NCKAP1: variants seen among roughly 807,000 people sequenced by gnomAD.
NCKAP1 encodes nck-associated protein 1.
NCKAP1 carries 21 observed loss-of-function variants against 151.2 expected under a neutral mutation model. That is an observed-to-expected ratio of 0.14 (90% CI 0.10 to 0.20). The LOEUF is 0.20. Ranked by LOEUF, NCKAP1 falls within the 10% of genes least tolerant of loss-of-function variation. The pLI, the probability that NCKAP1 is intolerant of heterozygous loss-of-function variation, is 1.00. For synonymous variants in NCKAP1, 484 were observed against 451.8 expected, an observed-to-expected ratio of 1.07 and a Z score of -0.90; for missense variants, 933 against 1,352.1, an observed-to-expected ratio of 0.69 and a Z score of 4.86.
Position 182,930,752 on chromosome 2 carries a change from C to T in NCKAP1, c.2896G>A (p.Gly966Arg). ...GCAGGATCAATCTCACAAGGTAATC[C>T]GGCAGCTGATGATAACTCATACACA... ...MNVYELSSAA[G>R]LPCEIDPALV... The change falls in exon 27 of 31, where the codon GGA becomes AGA. Residue 966 changes from glycine to arginine, a missense_variant. Gly to Arg is a moderately radical substitution (Grantham distance 125). Transcript: ENST00000361354. The T allele has an allele frequency of 2.5e-6, 4 of 1,613,264 alleles. No individual in the cohort carries two copies. Among genetic ancestry groups the T allele is most frequent in the Non-Finnish European group, 3.4e-6 (4 of 1,179,382 alleles).
chr2:182,988,784 C>T (rs556019676), intron 9 of NCKAP1, among the ~76,000 whole-genome samples: 1 of 152,146 alleles, frequency 6.6e-6, no homozygotes, highest in East Asian at 1.9e-4. Context: ...CTTCCTTCTC[C>T]TATATTACAT....
intron 2 of NCKAP1, among the ~76,000 whole-genome samples, chr2:183,011,767 G>A (rs1389718193): frequency 6.6e-6 from 1 of 152,186 alleles, no homozygotes; most frequent in African/African-American, 2.4e-5. Context: ...CTTCGGATAA[G>A]TCCCAGAAGT....
intron 27 of NCKAP1, among the ~76,000 whole-genome samples, chr2:182,930,238 T>C (rs757687978): frequency 1.3e-5 from 2 of 151,982 alleles, no homozygotes; most frequent in Non-Finnish European, 2.9e-5. Context: ...CTTTTGCCCA[T>C]AAAACCTCAC....
intron 9 of NCKAP1, among the ~76,000 whole-genome samples, chr2:182,987,788 T>C (rs1698085924): frequency 6.6e-6 from 1 of 152,028 alleles, no homozygotes; most frequent in Admixed American, 6.6e-5. Context: ...GAAAAGTACA[T>C]AGGGCACTAT....
At chr2:182,981,415 T>G (rs371878673) in intron 12 of NCKAP1, 39 bp from the exon 13 acceptor site, 21 of 1,436,404 alleles carry the variant, frequency 1.5e-5, no homozygotes, top group Non-Finnish European at 1.8e-5. Flanking sequence ...AAATAATAAA[T>G]TCATCATTAT....
At chr2:182,932,476 A>T (rs1343881547) in intron 26 of NCKAP1, among the ~76,000 whole-genome samples, 1 of 152,116 alleles carries the variant, frequency 6.6e-6, no homozygotes, top group Non-Finnish European at 1.5e-5. Flanking sequence ...ATGGGGAGTG[A>T]CTGCTAATGG....
rs531576841 is a variant in NCKAP1 at position 182,949,645 on chromosome 2, T to A, written c.2601+2760A>T. Among the ~76,000 whole-genome samples, 3 of 152,080 alleles carry A rather than the reference T, an allele frequency of 2.0e-5. No homozygotes were observed. In the South Asian group the frequency reaches 6.2e-4, roughly 32 times the overall value. On this transcript the variant is annotated intron_variant, in intron 23 of 30. Transcript: ENST00000361354. ...GGCGAAACCCTGTCTCTACAAAAAA[T>A]TAGCCGTACTTGCTGGCACATGCCT...
chr2:183,001,748 C>A (rs1698378261), intron 6 of NCKAP1, among the ~76,000 whole-genome samples: 1 of 152,110 alleles, frequency 6.6e-6, no homozygotes, highest in Non-Finnish European at 1.5e-5. Flanking sequence ...ATAATGAAAT[C>A]AATCAATATA....
At chr2:182,970,895 T>A (rs944145563) in intron 15 of NCKAP1, among the ~76,000 whole-genome samples, 1 of 152,018 alleles carries the variant, frequency 6.6e-6, no homozygotes, top group Non-Finnish European at 1.5e-5. Context: ...ATCAACCAAT[T>A]CAGTTTCATG....
chr2:182,993,538 T>C (rs1197684910), intron 8 of NCKAP1, among the ~76,000 whole-genome samples: 1 of 152,146 alleles, frequency 6.6e-6, no homozygotes, highest in East Asian at 1.9e-4. Flanking sequence ...CATGGAATAG[T>C]ACACAGCCAT....
At position 182,912,190 on chromosome 2, in the gene NCKAP1, T is replaced by C. The variant is rs965718037; in HGVS notation, c.*13512A>G. On this transcript the variant is annotated 3_prime_UTR_variant, in exon 31 of 31. Coordinates refer to ENST00000361354, the MANE Select transcript of NCKAP1 (RefSeq NM_013436.5). The stretch of plus-strand genomic sequence containing the variant: ...ATATCTTTGGATATTGGCAAAAATT[T>C]AGGGAGCTTTTTGATATGAGAAAAA... The C allele has an allele frequency of 2.6e-5, 4 of 152,196 alleles. No homozygotes were observed. Among genetic ancestry groups the C allele is most frequent in the East Asian group, 3.8e-4 (2 of 5,200 alleles). 9.4% of individuals were successfully genotyped at this position (152,196 alleles called of 1,614,324 possible).
intron 1 of NCKAP1, among the ~76,000 whole-genome samples, chr2:183,027,776 T>A (rs992172085): frequency 7.9e-5 from 12 of 152,144 alleles, no homozygotes; most frequent in Non-Finnish European, 8.8e-5. Flanking sequence ...TTATAGTTTA[T>A]AAAAATTCAT....
At chr2:183,000,217 T>C (rs1698351283) in intron 6 of NCKAP1, among the ~76,000 whole-genome samples, 1 of 152,120 alleles carries the variant, frequency 6.6e-6, no homozygotes, top group Non-Finnish European at 1.5e-5. Context: ...TCACGGAATA[T>C]TAGAAAAAAA....
chr2:182,944,451 T>A (rs1348893084), intron 23 of NCKAP1, among the ~76,000 whole-genome samples: 2 of 152,256 alleles, frequency 1.3e-5, no homozygotes, highest in East Asian at 3.9e-4. Flanking sequence ...ACAATTCTTT[T>A]GGCAGACTGG....
intron 2 of NCKAP1, among the ~76,000 whole-genome samples, chr2:183,014,461 A>C (rs1161952445): frequency 6.6e-6 from 1 of 152,096 alleles, no homozygotes; most frequent in East Asian, 1.9e-4. Flanking sequence ...CCCAAATACA[A>C]CACTCCTTTA....
chr2:183,025,715 C>T (rs1003087288), intron 1 of NCKAP1, among the ~76,000 whole-genome samples: 18 of 152,058 alleles, frequency 1.2e-4, no homozygotes, highest in African/African-American at 3.4e-4. Flanking sequence ...TTATATTCTT[C>T]TCCCCAAATA....
Position 182,916,281 on chromosome 2 carries a change from A to C in NCKAP1, c.*9421T>G, listed in dbSNP as rs1373915184. On this transcript the variant is annotated 3_prime_UTR_variant, in exon 31 of 31. Coordinates refer to ENST00000361354, the MANE Select transcript of NCKAP1 (RefSeq NM_013436.5). ...CTCTGATGCTTCTCCACAGGAACAAAAAGAAACAGAACCACTTGTTCCCAA... is the reference window on the plus strand; with the variant it reads ...CTCTGATGCTTCTCCACAGGAACAACAAGAAACAGAACCACTTGTTCCCAA... 6.6e-6 allele frequency: 1 copy of C among 152,196 alleles called. No homozygotes were observed. Among genetic ancestry groups the C allele is most frequent in the Non-Finnish European group, 1.5e-5 (1 of 68,076 alleles). 9.4% of individuals were successfully genotyped at this position (152,196 alleles called of 1,614,324 possible).
At chr2:183,013,426 T>C (rs1698626663) in intron 2 of NCKAP1, among the ~76,000 whole-genome samples, 1 of 152,060 alleles carries the variant, frequency 6.6e-6, no homozygotes. Context: ...GCCAAAAACC[T>C]TAAAGTCTTA....
chr2:182,956,312 T>G, intron 20 of NCKAP1, 150 bp downstream of exon 20: 1 of 924,772 alleles, frequency 1.1e-6, no homozygotes, highest in East Asian at 3.0e-5. Context: ...AGTGCTGGGA[T>G]TATAGGCGTG....
Sources: allele counts gnomAD v4.1 joint callset (sites outside exome capture counted in the v4.1 genomes callset), GRCh38; gene constraint gnomAD v4.1.1; transcripts MANE v1.5; gene names NCBI Gene and HGNC (gene_info 2026-07-23, HGNC 2026-07-21).